Variants in DNAJC13 observed in about 807,000 individuals in gnomAD.
DNAJC13 encodes the protein DnaJ heat shock protein family (Hsp40) member C13.
In DNAJC13, 75 loss-of-function variants were observed where a neutral mutation model predicts 290.5. The observed-to-expected ratio is 0.26, with a 90% CI of 0.21 to 0.31. DNAJC13 has a LOEUF of 0.31. Among genes scored for constraint, DNAJC13 ranks in the 10% least tolerant of loss-of-function variants. The pLI is 1.00. For synonymous variants in DNAJC13, 862 were observed against 892.0 expected (o/e 0.97, Z 0.60); for missense variants, 2,260 against 2,674.5 (o/e 0.85, Z 3.42).
At chr3:132,427,719 C>T (rs559074781) in intron 1 of DNAJC13, among the ~76,000 whole-genome samples, 2 of 152,114 alleles carry the variant, frequency 1.3e-5, no homozygotes, top group African/African-American at 4.8e-5. Flanking sequence ...AATAGAATTT[C>T]CCCCCAAAAT....
At chr3:132,444,165 A>G (rs993684694) in intron 2 of DNAJC13, among the ~76,000 whole-genome samples, 1 of 152,076 alleles carries the variant, frequency 6.6e-6, no homozygotes, top group Non-Finnish European at 1.5e-5. Flanking sequence ...TGTGCTCCTT[A>G]TGAGAATCTA....
chr3:132,493,109 G>T (rs74694361), intron 33 of DNAJC13, among the ~76,000 whole-genome samples: 2 of 151,976 alleles, frequency 1.3e-5, no homozygotes, highest in African/African-American at 2.4e-5. Flanking sequence ...TGGTGTTTAT[G>T]AAGATTATTA....
intron 54 of DNAJC13, among the ~76,000 whole-genome samples, chr3:132,530,142 G>A (rs1936373156): frequency 2.0e-5 from 3 of 152,208 alleles, no homozygotes; most frequent in Admixed American, 1.3e-4. Flanking sequence ...TCCCGGGTTG[G>A]AGCAGGTGCC....
At position 132,492,594 on chromosome 3, in the gene DNAJC13, A is replaced by C. The variant is rs759059936; in HGVS notation, c.3804A>C (p.Pro1268=). Residue 1268 remains proline, a synonymous_variant, in exon 33 of 56, where the codon CCA becomes CCC. Transcript: ENST00000260818. ...AACTGTGTGATACACTCCGGTTTCCAGATTGGCCAATTAAAGACCCGGTAA... is the reference window on the plus strand; with the variant it reads ...AACTGTGTGATACACTCCGGTTTCCCGATTGGCCAATTAAAGACCCGGTAA... ...LKQLCDTLRF[P]DWPIKDPVKL... The C allele has an allele frequency of 6.2e-7, 1 of 1,613,606 alleles. No individual in the cohort carries two copies. The highest frequency in any genetic ancestry group is 1.7e-5 in the Admixed American group (1 of 59,980).
intron 8 of DNAJC13, 96 bp downstream of exon 8, chr3:132,453,790 A>G: frequency 9.8e-7 from 1 of 1,021,150 alleles, no homozygotes; most frequent in South Asian, 1.5e-5. Flanking sequence ...TGGCTAAAGA[A>G]TATGGAATGG....
chr3:132,470,623 C>T (rs1430437469), intron 20 of DNAJC13, among the ~76,000 whole-genome samples: 6 of 142,878 alleles, frequency 4.2e-5, no homozygotes, highest in African/African-American at 1.3e-4. Context: ...GGGGCTGACC[C>T]CCCCACCTCC....
chr3:132,479,038 T>C (rs1576487022), intron 24 of DNAJC13, among the ~76,000 whole-genome samples, 189 bp from the exon 25 acceptor site: 1 of 152,238 alleles, frequency 6.6e-6, no homozygotes, highest in South Asian at 2.1e-4. Flanking sequence ...AGACAAGTTA[T>C]ATAAAGAATG....
At chr3:132,457,478 T>G (rs1300018739) in intron 13 of DNAJC13, 110 bp downstream of exon 13, 20 of 847,156 alleles carry the variant, frequency 2.4e-5, no homozygotes, top group Non-Finnish European at 3.5e-5. Context: ...TTCTGTTTCA[T>G]AAATTGTTCT....
chr3:132,502,579 A>T, intron 40 of DNAJC13, 111 bp downstream of exon 40: 1 of 1,013,034 alleles, frequency 9.9e-7, no homozygotes, highest in Non-Finnish European at 1.3e-6. Context: ...ATTGTTTTTC[A>T]GGAAAATTAG....
intron 2 of DNAJC13, among the ~76,000 whole-genome samples, chr3:132,444,651 T>G (rs1169095622): frequency 6.6e-6 from 1 of 152,244 alleles, no homozygotes; most frequent in African/African-American, 2.4e-5. Flanking sequence ...GAAAAATAGT[T>G]TGTGAATTCA....
chr3:132,424,060 TAAAATG>T (rs1354386334), intron 1 of DNAJC13, among the ~76,000 whole-genome samples: 2 of 152,114 alleles, frequency 1.3e-5, no homozygotes, highest in Non-Finnish European at 2.9e-5. Context: ...GCTTCAAAGA[TAAAATG>T]AAATAGAAAT....
chr3:132,463,920 T>C, intron 17 of DNAJC13, 103 bp downstream of exon 17: 1 of 1,316,002 alleles, frequency 7.6e-7, no homozygotes, highest in Non-Finnish European at 1.0e-6. Context: ...AAATAATACA[T>C]TTTCTTTTGA....
intron 1 of DNAJC13, among the ~76,000 whole-genome samples, chr3:132,418,807 G>C (rs575448663): frequency 6.6e-6 from 1 of 152,192 alleles, no homozygotes; most frequent in African/African-American, 2.4e-5. Context: ...GACTTGATAG[G>C]TTTCTAGGTT....
In DNAJC13 at chr3:132,516,480, A is replaced by G. The variant is rs781702854; in HGVS notation, c.5544A>G (p.Lys1848=). The change falls in exon 47 of 56, where the codon AAA becomes AAG. Residue 1848 remains lysine, a synonymous_variant. Coordinates refer to ENST00000260818, the MANE Select transcript of DNAJC13 (RefSeq NM_015268.4). ...YALTSSTKII[K]EAMAKGALIY... ...TGACATCGAGTACAAAAATAATCAAAGAAGCAATGGCAAAGGGTAATGTAT... is the reference window on the plus strand; with the variant it reads ...TGACATCGAGTACAAAAATAATCAAGGAAGCAATGGCAAAGGGTAATGTAT... 1.3e-5 allele frequency: 21 copies of G among 1,613,846 alleles called. No individual in the cohort carries two copies. In the South Asian group the frequency reaches 2.0e-4, roughly 15 times the overall value.
intron 48 of DNAJC13, among the ~76,000 whole-genome samples, chr3:132,517,705 A>G (rs566696023): frequency 2.0e-5 from 3 of 152,300 alleles, no homozygotes; most frequent in Non-Finnish European, 4.4e-5. Flanking sequence ...CCCTACCTCT[A>G]TCTAAAGCCA....
chr3:132,501,131 G>C (rs1372664062), intron 39 of DNAJC13, among the ~76,000 whole-genome samples: 1 of 152,192 alleles, frequency 6.6e-6, no homozygotes, highest in African/African-American at 2.4e-5. Context: ...TACATCTAAA[G>C]GGAAGTGGGT....
intron 22 of DNAJC13, among the ~76,000 whole-genome samples, 194 bp downstream of exon 22, chr3:132,475,279 G>T (rs776602621): frequency 3.9e-5 from 6 of 152,028 alleles, no homozygotes; most frequent in Non-Finnish European, 8.8e-5. Context: ...TAGTAACTTA[G>T]CTTTGTACCT....
chr3:132,483,620 C>T (rs1172734368), intron 28 of DNAJC13, 43 bp downstream of exon 28: 1 of 1,553,284 alleles, frequency 6.4e-7, no homozygotes, highest in African/African-American at 1.4e-5. Flanking sequence ...TGATATGCTT[C>T]CTTAGTAACA....
chr3:132,516,203 A>G lies in DNAJC13; in HGVS notation c.5486-219A>G, dbSNP rs3762676. 0.5 allele frequency among the ~76,000 whole-genome samples: 76,249 copies of G among 152,050 alleles called. 22,423 individuals carry two copies. Among genetic ancestry groups the G allele is most frequent in the African/African-American group, 0.8 (33,385 of 41,510 alleles). On this transcript the variant is annotated intron_variant, in intron 46 of 55. Coordinates refer to ENST00000260818, the MANE Select transcript of DNAJC13 (RefSeq NM_015268.4). ...GCAGACCTGCATACAAAACTCAACT[A>G]TACCACTTATTAGCTGTGAGACCTT...
Sources: allele counts gnomAD v4.1 joint callset (sites outside exome capture counted in the v4.1 genomes callset), GRCh38; gene constraint gnomAD v4.1.1; transcripts MANE v1.5; gene names NCBI Gene and HGNC (gene_info 2026-07-23, HGNC 2026-07-21).